The following ELOVL4 variants were observed in gnomAD, a reference collection of about 807,000 sequenced individuals.
The protein encoded by ELOVL4 is ELOVL fatty acid elongase 4, also known as very long chain fatty acid elongase 4.
A neutral mutation model predicts 42.1 loss-of-function variants in ELOVL4; 18 were observed. That is an observed-to-expected ratio of 0.43 (90% CI 0.30 to 0.63). ELOVL4 has a LOEUF of 0.63. ELOVL4 is among the 30% of genes least tolerant of loss of function. The pLI, the probability that ELOVL4 is intolerant of heterozygous loss-of-function variation, is 0.15. For missense variants in ELOVL4, 299 were observed against 376.2 expected (o/e 0.79, Z 1.70); for synonymous variants, 117 against 127.0 (o/e 0.92, Z 0.53).
At chr6:79,928,970 G>C (rs1774397582) in intron 1 of ELOVL4, among the ~76,000 whole-genome samples, 1 of 152,008 alleles carries the variant, frequency 6.6e-6, no homozygotes, top group Admixed American at 6.6e-5. Flanking sequence ...TTCCAAAAGA[G>C]AGAAGGAAAG....
At chr6:79,938,802 T>A (rs190232285) in intron 1 of ELOVL4, among the ~76,000 whole-genome samples, 1 of 152,238 alleles carries the variant, frequency 6.6e-6, no homozygotes, top group Non-Finnish European at 1.5e-5. Context: ...AGTGATACTC[T>A]GTAGATAACA....
At chr6:79,923,675 GCCTTCTCAC>G (rs1255175895) in intron 3 of ELOVL4, among the ~76,000 whole-genome samples, 2 of 152,046 alleles carry the variant, frequency 1.3e-5, no homozygotes, top group Non-Finnish European at 2.9e-5. Flanking sequence ...GCTGCTGTCT[GCCTTCTCAC>G]CCTCACTAAA....
intron 1 of ELOVL4, among the ~76,000 whole-genome samples, chr6:79,932,921 G>C (rs1774473463): frequency 6.6e-6 from 1 of 152,142 alleles, no homozygotes; most frequent in Non-Finnish European, 1.5e-5. Context: ...AATTTGACAA[G>C]CAGACAGGGA....
At chr6:79,933,433 G>A (rs985339561) in intron 1 of ELOVL4, among the ~76,000 whole-genome samples, 1 of 152,062 alleles carries the variant, frequency 6.6e-6, no homozygotes, top group African/African-American at 2.4e-5. Context: ...GATTCGCCAT[G>A]TTGCTCAGGC....
intron 1 of ELOVL4, among the ~76,000 whole-genome samples, chr6:79,936,314 CT>C (rs1027015390): frequency 2.0e-5 from 3 of 152,034 alleles, no homozygotes; most frequent in African/African-American, 4.8e-5. Flanking sequence ...AAATTAATTC[CT>C]TTTTTTTAAA....
intron 1 of ELOVL4, among the ~76,000 whole-genome samples, chr6:79,943,029 T>C (rs943355399): frequency 1.3e-5 from 2 of 151,782 alleles, no homozygotes; most frequent in Non-Finnish European, 2.9e-5. Context: ...TTTTTTTAAT[T>C]AGCTGCCTAC....
intron 1 of ELOVL4, among the ~76,000 whole-genome samples, chr6:79,941,127 A>T (rs1245549426): frequency 6.6e-6 from 1 of 152,216 alleles, no homozygotes; most frequent in Non-Finnish European, 1.5e-5. Context: ...ATGTATATTT[A>T]TTTGAAATTG....
At chr6:79,945,088 C>T (rs563100304) in intron 1 of ELOVL4, among the ~76,000 whole-genome samples, 1 of 151,730 alleles carries the variant, frequency 6.6e-6, no homozygotes, top group South Asian at 2.1e-4. Context: ...TCGGCCTGGA[C>T]CTGAAAAATA....
chr6:79,942,493 T>C (rs1774664929), intron 1 of ELOVL4, among the ~76,000 whole-genome samples: 1 of 152,186 alleles, frequency 6.6e-6, no homozygotes, highest in African/African-American at 2.4e-5. Flanking sequence ...ATGAAAATAC[T>C]TACGTTAATA....
In ELOVL4 at chr6:79,915,643, A is replaced by C. The variant is rs1260889644; in HGVS notation, c.*965T>G. On this transcript the variant is annotated 3_prime_UTR_variant, in exon 6 of 6. Coordinates refer to ENST00000369816, the MANE Select transcript of ELOVL4 (RefSeq NM_022726.4). ...ACATTAGAAGACTCCTTGATTTTTT[A>C]ATTAAAATTTATTTAATTTTAAATG... The C allele has an allele frequency of 6.6e-6, 1 of 152,512 alleles. No individual in the cohort carries two copies. The allele number at this position is 152,512 out of a possible 1,614,324, so 9.4% of individuals were successfully genotyped here.
chr6:79,934,738 T>G (rs181353921), intron 1 of ELOVL4, among the ~76,000 whole-genome samples: 2 of 152,202 alleles, frequency 1.3e-5, no homozygotes, highest in Non-Finnish European at 2.9e-5. Flanking sequence ...CCTGGCCTTA[T>G]AGATGATAGT....
intron 1 of ELOVL4, among the ~76,000 whole-genome samples, chr6:79,930,302 C>T (rs753011678): frequency 6.6e-6 from 1 of 152,184 alleles, no homozygotes; most frequent in Non-Finnish European, 1.5e-5. Context: ...ATACCCTTCT[C>T]AAATTAGCCC....
At chr6:79,933,247 T>G (rs1774482288) in intron 1 of ELOVL4, among the ~76,000 whole-genome samples, 1 of 151,968 alleles carries the variant, frequency 6.6e-6, no homozygotes, top group South Asian at 2.1e-4. Flanking sequence ...TTTGTTTGTT[T>G]TGGGACTGGG....
chr6:79,942,343 G>C (rs1261965061), intron 1 of ELOVL4, among the ~76,000 whole-genome samples: 1 of 151,986 alleles, frequency 6.6e-6, no homozygotes, highest in Admixed American at 6.6e-5. Flanking sequence ...TAAAACAATA[G>C]TACCTTCGTT....
Position 79,916,724 on chromosome 6 carries a change from T to C in ELOVL4, c.829A>G (p.Lys277Glu). 1.2e-6 allele frequency: 2 copies of C among 1,614,226 alleles called. No homozygotes were observed. Among genetic ancestry groups the C allele is most frequent in the Non-Finnish European group, 1.7e-6 (2 of 1,180,042 alleles). The change falls in exon 6 of 6, where the codon AAA (lysine) becomes GAA (glutamate). Residue 277 changes from lysine (K) to glutamate (E), a missense_variant. Physicochemically the swap from Lys to Glu is moderately conservative, Grantham distance 56 (BLOSUM62 1). Transcript: ENST00000369816. ...CCATTCATGGCTGTTTTTCCAGCTT[T>C]TGGTTTCTTAGGCTCTTTGTATGTC... ...IRTYKEPKKP[K>E]AGKTAMNGIS...
intron 1 of ELOVL4, among the ~76,000 whole-genome samples, chr6:79,940,329 G>A (rs1356053823): frequency 1.3e-5 from 2 of 152,058 alleles, no homozygotes; most frequent in Non-Finnish European, 2.9e-5. Flanking sequence ...TTTACAAATG[G>A]TAATATTTCA....
chr6:79,928,423 G>A (rs115543767), intron 1 of ELOVL4, among the ~76,000 whole-genome samples: 1 of 151,776 alleles, frequency 6.6e-6, no homozygotes, highest in Admixed American at 6.6e-5. Context: ...TCTGAGTAGC[G>A]GGTAGAAAAA....
chr6:79,940,452 A>C (rs918552975), intron 1 of ELOVL4, among the ~76,000 whole-genome samples: 6 of 152,232 alleles, frequency 3.9e-5, no homozygotes, highest in African/African-American at 1.2e-4. Context: ...TAAGACCTAC[A>C]CATTTTTATC....
intron 3 of ELOVL4, among the ~76,000 whole-genome samples, chr6:79,923,364 T>C (rs529022632): frequency 1.3e-5 from 2 of 151,202 alleles, no homozygotes; most frequent in South Asian, 2.2e-4. Context: ...GCTCATTTTT[T>C]AAAGACTTGA....
Sources: allele counts gnomAD v4.1 joint callset (sites outside exome capture counted in the v4.1 genomes callset), GRCh38; gene constraint gnomAD v4.1.1; transcripts MANE v1.5; gene names NCBI Gene and HGNC (gene_info 2026-07-23, HGNC 2026-07-21).